NRG1: variants seen among roughly 807,000 people sequenced by gnomAD.
NRG1 encodes the protein pro-neuregulin-1, membrane-bound isoform.
NRG1 carries 18 observed loss-of-function variants against 63.8 expected under a neutral mutation model. The ratio of observed to expected loss-of-function variants is 0.28; its 90% CI spans 0.19 to 0.42. The LOEUF (loss-of-function observed/expected upper bound fraction) is 0.42. Among genes scored for constraint, NRG1 ranks in the 10% least tolerant of loss-of-function variants. NRG1 has a pLI of 1.00. For synonymous variants in NRG1, 302 were observed against 301.3 expected, an observed-to-expected ratio of 1.00 and a Z score of -0.02; for missense variants, 762 against 814.7, an observed-to-expected ratio of 0.94 and a Z score of 0.79.
chr8:32,465,268 C>G (rs567462021), intron 1 of NRG1, among the ~76,000 whole-genome samples: 2 of 152,258 alleles, frequency 1.3e-5, no homozygotes, highest in South Asian at 4.2e-4. Flanking sequence ...AATTCACCTG[C>G]CCATGAATAG....
intron 1 of NRG1, chr8:32,026,262 G>A (rs1016134339): frequency 6.6e-6 from 1 of 151,670 alleles, no homozygotes; most frequent in African/African-American, 2.4e-5. Context: ...ACTACTACCG[G>A]TAATAAAATC....
intron 1 of NRG1, among the ~76,000 whole-genome samples, chr8:31,909,349 A>C (rs1417448823): frequency 6.6e-6 from 1 of 152,156 alleles, no homozygotes; most frequent in Non-Finnish European, 1.5e-5. Flanking sequence ...ACTGAGCATC[A>C]GGGACATTCA....
intron 1 of NRG1, among the ~76,000 whole-genome samples, chr8:32,227,304 A>G (rs535644050): frequency 6.6e-5 from 10 of 152,334 alleles, no homozygotes; most frequent in African/African-American, 2.4e-4. Context: ...AAAATGCATT[A>G]TAAGCATTCT....
At chr8:32,055,091 T>C (rs983106000) in intron 1 of NRG1, among the ~76,000 whole-genome samples, 6 of 151,796 alleles carry the variant, frequency 4.0e-5, no homozygotes, top group African/African-American at 1.5e-4. Context: ...GGTTTCAGTA[T>C]ATTGGCCAGG....
At chr8:31,644,584 G>C (rs1342963843) in intron 1 of NRG1, among the ~76,000 whole-genome samples, 1 of 152,112 alleles carries the variant, frequency 6.6e-6, no homozygotes, top group African/African-American at 2.4e-5. Context: ...ACAGTGAGCT[G>C]TACTTCCTCT....
chr8:32,216,785 A>G (rs545533176), intron 1 of NRG1, among the ~76,000 whole-genome samples: 3 of 151,982 alleles, frequency 2.0e-5, no homozygotes, highest in African/African-American at 7.2e-5. Flanking sequence ...GGAGAACCTT[A>G]ACTAATACAT....
At chr8:32,364,957 C>CTTTTTTTTTTTTTTTTTTTTTT (rs372216683) in intron 1 of NRG1, among the ~76,000 whole-genome samples, 7 of 108,458 alleles carry the variant, frequency 6.5e-5, no homozygotes, top group Non-Finnish European at 1.3e-4. Context: ...CCCTTTACTA[C>CTTTTTTTTTTTTTTTTTTTTTT]TTTTTTTTTT....
At chr8:32,106,760 A>G (rs1030261260) in intron 1 of NRG1, among the ~76,000 whole-genome samples, 3 of 152,210 alleles carry the variant, frequency 2.0e-5, no homozygotes, top group African/African-American at 7.2e-5. Flanking sequence ...TTTAAAAAAA[A>G]TGGAACTGGG....
At chr8:32,584,322 T>C (rs1380486012) in intron 1 of NRG1, among the ~76,000 whole-genome samples, 2 of 152,202 alleles carry the variant, frequency 1.3e-5, no homozygotes, top group Non-Finnish European at 2.9e-5. Flanking sequence ...GAATTTGCCT[T>C]CCCTGATCTT....
At chr8:32,019,939 T>G (rs1816170460) in intron 1 of NRG1, among the ~76,000 whole-genome samples, 1 of 152,218 alleles carries the variant, frequency 6.6e-6, no homozygotes, top group African/African-American at 2.4e-5. Context: ...CAGCTTCTTG[T>G]ACATGTTTAA....
chr8:32,404,455 G>A (rs1363043383), intron 1 of NRG1, among the ~76,000 whole-genome samples: 3 of 151,858 alleles, frequency 2.0e-5, no homozygotes, highest in Admixed American at 6.6e-5. Context: ...GTATGCATTC[G>A]GTTCATGAAT....
At chr8:32,140,311 A>C (rs1836079329) in intron 1 of NRG1, among the ~76,000 whole-genome samples, 1 of 152,044 alleles carries the variant, frequency 6.6e-6, no homozygotes, top group African/African-American at 2.4e-5. Context: ...TGACAATTTG[A>C]ATCCTTCCTG....
At chr8:31,781,398 T>C (rs188935513) in intron 1 of NRG1, among the ~76,000 whole-genome samples, 298 of 152,338 alleles carry the variant, frequency 2.0e-3, no homozygotes, top group Non-Finnish European at 3.6e-3. Flanking sequence ...ATTATAGTCA[T>C]GATTTCTTTC....
intron 1 of NRG1, among the ~76,000 whole-genome samples, chr8:32,270,955 T>C (rs1851477959): frequency 1.3e-5 from 2 of 152,198 alleles, no homozygotes; most frequent in African/African-American, 4.8e-5. Context: ...TTTCTGCCTC[T>C]CTTCTGCTGC....
intron 1 of NRG1, among the ~76,000 whole-genome samples, chr8:32,525,576 C>T (rs1291020288): frequency 6.6e-6 from 1 of 152,094 alleles, no homozygotes; most frequent in Non-Finnish European, 1.5e-5. Flanking sequence ...CCTGCATCCC[C>T]AAGCTCAAAA....
At chr8:32,331,090 G>A (rs1481923801) in intron 1 of NRG1, among the ~76,000 whole-genome samples, 4 of 151,656 alleles carry the variant, frequency 2.6e-5, no homozygotes, top group African/African-American at 4.8e-5. Flanking sequence ...TTTTTGTGGC[G>A]TGTAAAAAAA....
At chr8:31,860,487 A>T (rs1482682026) in intron 1 of NRG1, among the ~76,000 whole-genome samples, 1 of 152,198 alleles carries the variant, frequency 6.6e-6, no homozygotes, top group African/African-American at 2.4e-5. Flanking sequence ...CAAACCTATT[A>T]GATGTGCCAT....
At chr8:32,325,405 CAG>C (rs1372156298) in intron 1 of NRG1, among the ~76,000 whole-genome samples, 1 of 152,152 alleles carries the variant, frequency 6.6e-6, no homozygotes, top group African/African-American at 2.4e-5. Flanking sequence ...TGTTTTGAGA[CAG>C]AGACAGCTCT....
intron 5 of NRG1, among the ~76,000 whole-genome samples, chr8:32,670,458 G>A (rs141983601): frequency 6.6e-6 from 1 of 152,004 alleles, no homozygotes; most frequent in African/African-American, 2.4e-5. Context: ...CTGACTATAA[G>A]GGTTATTAGT....
Sources: gnomAD v4.1 joint callset for allele counts (sites outside exome capture counted in the v4.1 genomes callset) on GRCh38, gnomAD v4.1.1 for gene constraint, MANE v1.5 for transcripts, NCBI Gene and HGNC (gene_info 2026-07-23, HGNC 2026-07-21) for gene names.